Variants in PIGL observed in about 807,000 individuals in gnomAD.
PIGL encodes the protein phosphatidylinositol glycan anchor biosynthesis class L.
PIGL carries 22 observed loss-of-function variants against 31.1 expected under a neutral mutation model. The observed-to-expected ratio is 0.71, with a 90% CI of 0.51 to 1.01. The LOEUF is 1.01. PIGL is among the 50% of genes least tolerant of loss of function. The pLI is 0.00. For missense variants in PIGL, 302 were observed against 315.9 expected, an observed-to-expected ratio of 0.96 and a Z score of 0.33; for synonymous variants, 131 against 117.4, an observed-to-expected ratio of 1.12 and a Z score of -0.75.
Position 16,220,795 on chromosome 17 carries a change from G to A in PIGL, c.235+3334G>A, listed in dbSNP as rs997536088. Among the ~76,000 whole-genome samples, 3 of 151,786 alleles carry A rather than the reference G, an allele frequency of 2.0e-5. No individual in the cohort carries two copies. In the East Asian group the frequency reaches 5.8e-4, roughly 29 times the overall value. The stretch of plus-strand genomic sequence containing the variant: ...GAGCCACCGCGCCCAGCCACGCCAG[G>A]CTAATGTTTGTATTTTCAGTAGAGA... On this transcript the variant is annotated intron_variant, in intron 1 of 6. Coordinates refer to ENST00000225609, the MANE Select transcript of PIGL (RefSeq NM_004278.4).
chr17:16,240,470 G>A (rs114567085), intron 2 of PIGL, among the ~76,000 whole-genome samples: 3,157 of 151,970 alleles, frequency 0.021, 73 homozygotes, highest in East Asian at 0.05. Flanking sequence ...GAGCCACCAC[G>A]CGCAGCCCCA....
chr17:16,325,666 G>A, intron 6 of PIGL, 134 bp from the exon 7 acceptor site: 1 of 688,420 alleles, frequency 1.5e-6, no homozygotes, highest in South Asian at 1.8e-5. Flanking sequence ...TGGGTTACAG[G>A]AAGAAGACAG....
intron 1 of PIGL, among the ~76,000 whole-genome samples, chr17:16,219,980 A>T (rs1024350106): frequency 7.2e-5 from 11 of 152,190 alleles, no homozygotes; most frequent in Admixed American, 5.9e-4. Context: ...CATTATAGGT[A>T]TAGCTGTTTA....
At chr17:16,293,183 C>A (rs1023188355) in intron 2 of PIGL, among the ~76,000 whole-genome samples, 2 of 152,154 alleles carry the variant, frequency 1.3e-5, no homozygotes, top group African/African-American at 2.4e-5. Context: ...ATATTTTGCC[C>A]TTTTGCCCAA....
At chr17:16,324,784 A>G (rs1381388424) in intron 6 of PIGL, among the ~76,000 whole-genome samples, 1 of 152,228 alleles carries the variant, frequency 6.6e-6, no homozygotes, top group Non-Finnish European at 1.5e-5. Flanking sequence ...TTTTATGTAT[A>G]TCTAGTGAAG....
chr17:16,220,731 G>A (rs1342255578), intron 1 of PIGL, among the ~76,000 whole-genome samples: 2 of 151,802 alleles, frequency 1.3e-5, no homozygotes, highest in African/African-American at 4.8e-5. Context: ...CAGGTGATCC[G>A]CCCACCTTGG....
intron 2 of PIGL, among the ~76,000 whole-genome samples, chr17:16,246,087 T>G (rs1240789045): frequency 2.0e-5 from 3 of 151,418 alleles, no homozygotes; most frequent in African/African-American, 4.8e-5. Context: ...CCTCCCAAAG[T>G]GCTGGGATTA....
At position 16,217,311 on chromosome 17, in the gene PIGL, A is replaced by C; in HGVS notation, c.85A>C (p.Lys29Gln). ...LWVWDSSERM[K>Q]SREQGGRLGA... Reference sequence around the variant, plus strand: ...GGTTTGGGACTCCTCAGAACGAATGAAGAGTCGGGAGCAGGGAGGACGGCT... The same window carrying C: ...GGTTTGGGACTCCTCAGAACGAATGCAGAGTCGGGAGCAGGGAGGACGGCT... The change falls in exon 1 of 7, where the codon AAG becomes CAG. Residue 29 changes from lysine (K) to glutamine (Q), a missense_variant. Lys to Gln is a moderately conservative substitution (Grantham distance 53, BLOSUM62 1). Transcript: ENST00000225609. The C allele has an allele frequency of 6.2e-7, 1 of 1,614,164 alleles. No individual in the cohort carries two copies. Among genetic ancestry groups the C allele is most frequent in the Non-Finnish European group, 8.5e-7 (1 of 1,180,034 alleles).
At chr17:16,239,053 G>A (rs1401207283) in intron 2 of PIGL, among the ~76,000 whole-genome samples, 1 of 151,340 alleles carries the variant, frequency 6.6e-6, no homozygotes, top group African/African-American at 2.4e-5. Flanking sequence ...TGAAAATTTA[G>A]CTAGGTGTGG....
chr17:16,284,631 G>T (rs1371376638), intron 2 of PIGL, among the ~76,000 whole-genome samples: 1 of 152,028 alleles, frequency 6.6e-6, no homozygotes, highest in African/African-American at 2.4e-5. Context: ...TGGCTCATCT[G>T]ATCTTGTGGC....
chr17:16,262,805 AAAC>A (rs762959168), intron 2 of PIGL, among the ~76,000 whole-genome samples: 65 of 152,242 alleles, frequency 4.3e-4, no homozygotes, highest in Admixed American at 5.2e-4. Context: ...CAACAGGTAG[AAAC>A]AACCAAAATG....
intron 2 of PIGL, among the ~76,000 whole-genome samples, chr17:16,291,250 G>A (rs977369414): frequency 2.0e-5 from 3 of 152,196 alleles, no homozygotes; most frequent in Admixed American, 6.6e-5. Context: ...GCTCGCGCCT[G>A]TAATCCCAGC....
At chr17:16,233,858 T>C (rs2092688719) in intron 1 of PIGL, 113 bp from the exon 2 acceptor site, 1 of 602,556 alleles carries the variant, frequency 1.7e-6, no homozygotes, top group African/African-American at 1.9e-5. Flanking sequence ...TAATCACACA[T>C]TTTCAGGCAG....
intron 5 of PIGL, chr17:16,317,066 A>G: frequency 9.2e-7 from 1 of 1,085,890 alleles, no homozygotes; most frequent in Non-Finnish European, 1.1e-6. Context: ...TGCTTGATGA[A>G]CCAATCTGCC....
intron 2 of PIGL, among the ~76,000 whole-genome samples, chr17:16,289,266 C>G (rs1244576159): frequency 1.3e-5 from 2 of 152,186 alleles, no homozygotes; most frequent in African/African-American, 4.8e-5. Context: ...GAGATAAACC[C>G]TATGGACTAG....
intron 2 of PIGL, among the ~76,000 whole-genome samples, chr17:16,243,862 C>T (rs985245500): frequency 3.3e-5 from 5 of 152,196 alleles, no homozygotes; most frequent in African/African-American, 4.8e-5. Flanking sequence ...GAGTAATTCA[C>T]GCAGAGCTGC....
At position 16,259,399 on chromosome 17, in the gene PIGL, A is replaced by G. The variant is rs539541116; in HGVS notation, c.335+25329A>G. On this transcript the variant is annotated intron_variant, in intron 2 of 6. Coordinates refer to ENST00000225609, the MANE Select transcript of PIGL (RefSeq NM_004278.4). ...TCTTTTCAACAAATGGTGATGGAAC[A>G]TCCACATGCAAAATAATGAAGTTGA... Among the ~76,000 whole-genome samples, 13 of 152,092 alleles carry G rather than the reference A, an allele frequency of 8.5e-5. No individual in the cohort carries two copies. In the South Asian group the frequency reaches 1.7e-3, roughly 19 times the overall value.
chr17:16,217,511 T>TC (rs1315471046), intron 1 of PIGL, 50 bp downstream of exon 1: 1 of 1,426,660 alleles, frequency 7.0e-7, no homozygotes, highest in Admixed American at 1.7e-5. Context: ...GAAAGGGATT[T>TC]AAGTGCTAAC....
chr17:16,286,264 C>G (rs1423009523), intron 2 of PIGL, among the ~76,000 whole-genome samples: 1 of 152,226 alleles, frequency 6.6e-6, no homozygotes, highest in South Asian at 2.1e-4. Context: ...AAGCTGTTAC[C>G]CAACCCTGCT....
Sources: allele counts gnomAD v4.1 joint callset (sites outside exome capture counted in the v4.1 genomes callset), GRCh38; gene constraint gnomAD v4.1.1; transcripts MANE v1.5; gene names NCBI Gene and HGNC (gene_info 2026-07-23, HGNC 2026-07-21).